The following KAZN variants were observed in gnomAD, a reference collection of about 807,000 sequenced individuals.
KAZN encodes kazrin.
A neutral mutation model predicts 87.4 loss-of-function variants in KAZN; 40 were observed. The observed-to-expected ratio is 0.46, with a 90% CI of 0.36 to 0.60. The LOEUF (loss-of-function observed/expected upper bound fraction) is 0.60. KAZN is among the 20% of genes least tolerant of loss of function. KAZN has a pLI of 0.00. For missense variants in KAZN, 898 were observed against 1,073.9 expected (o/e 0.84, Z 2.29); for synonymous variants, 466 against 458.3 (o/e 1.02, Z -0.22).
At chr1:14,479,434 C>A (rs1397538950) in intron 2 of KAZN, among the ~76,000 whole-genome samples, 1 of 152,224 alleles carries the variant, frequency 6.6e-6, no homozygotes, top group African/African-American at 2.4e-5. Context: ...TCATAAGAAT[C>A]AATGGCCTGC....
intron 2 of KAZN, among the ~76,000 whole-genome samples, chr1:14,285,376 G>C (rs927313240): frequency 6.6e-5 from 10 of 152,276 alleles, no homozygotes; most frequent in Middle Eastern, 3.4e-3. Context: ...CAGTCTATTG[G>C]TTCCTCTCTG....
At chr1:14,776,772 T>G (rs538648044) in intron 1 of KAZN, among the ~76,000 whole-genome samples, 1 of 151,898 alleles carries the variant, frequency 6.6e-6, no homozygotes, top group East Asian at 2.0e-4. Context: ...ACAATCTGCT[T>G]TGTTTTGTTT....
chr1:14,451,879 G>T (rs139856956), intron 2 of KAZN, among the ~76,000 whole-genome samples: 52 of 152,238 alleles, frequency 3.4e-4, no homozygotes, highest in African/African-American at 1.3e-3. Flanking sequence ...CAGCCTTTTT[G>T]TTCTGTTCAG....
chr1:14,827,653 G>GC (rs1314473057), intron 1 of KAZN, among the ~76,000 whole-genome samples: 15 of 152,348 alleles, frequency 9.8e-5, no homozygotes, highest in African/African-American at 3.6e-4. Flanking sequence ...AGCCCTCGAA[G>GC]CAGGCCCCAG....
At chr1:14,676,960 A>T (rs1431168538) in intron 1 of KAZN, among the ~76,000 whole-genome samples, 1 of 152,236 alleles carries the variant, frequency 6.6e-6, no homozygotes, top group Non-Finnish European at 1.5e-5. Flanking sequence ...TATAAGTATT[A>T]TATCACAATA....
At chr1:14,695,608 C>T (rs542824060) in intron 1 of KAZN, among the ~76,000 whole-genome samples, 1 of 150,304 alleles carries the variant, frequency 6.7e-6, no homozygotes, top group South Asian at 2.1e-4. Context: ...CAGGTTCAAG[C>T]GATTGTCTTG....
chr1:14,970,105 T>G lies in KAZN; in HGVS notation c.418+9230T>G, dbSNP rs556793353. 1.5e-4 allele frequency among the ~76,000 whole-genome samples: 23 copies of G among 152,328 alleles called. 1 individual carries two copies. The South Asian group carries it at 4.8e-3, about 32-fold the overall frequency. On this transcript the variant is annotated intron_variant, in intron 2 of 14. Coordinates refer to ENST00000376030, the MANE Select transcript of KAZN (RefSeq NM_201628.3). The stretch of plus-strand genomic sequence containing the variant: ...CTGGGATTATAGGCATGAGCCATGG[T>G]GCCTGGCCCACAAGCACTTTTTAAA...
chr1:14,268,465 CTG>C (rs1430791843), intron 2 of KAZN, among the ~76,000 whole-genome samples: 1 of 135,266 alleles, frequency 7.4e-6, no homozygotes, highest in Non-Finnish European at 1.6e-5. Context: ...GGATTTGACA[CTG>C]TGTTAAAAAA....
At chr1:14,429,759 C>T (rs935467074) in intron 2 of KAZN, among the ~76,000 whole-genome samples, 3 of 152,104 alleles carry the variant, frequency 2.0e-5, no homozygotes, top group Admixed American at 6.5e-5. Flanking sequence ...TCACCGTCGT[C>T]GTCGTCATCA....
intron 2 of KAZN, among the ~76,000 whole-genome samples, chr1:14,518,110 T>C (rs949448263): frequency 1.3e-5 from 2 of 151,878 alleles, no homozygotes; most frequent in Admixed American, 1.3e-4. Flanking sequence ...GCCTTTCACG[T>C]TAAATGGGGT....
At chr1:14,428,681 T>A (rs1251313002) in intron 2 of KAZN, among the ~76,000 whole-genome samples, 2 of 152,150 alleles carry the variant, frequency 1.3e-5, no homozygotes, top group African/African-American at 4.8e-5. Context: ...GGAAGGCACC[T>A]CTTCACAGAG....
intron 2 of KAZN, among the ~76,000 whole-genome samples, chr1:14,328,855 A>C (rs564581905): frequency 1.3e-5 from 2 of 151,758 alleles, no homozygotes; most frequent in East Asian, 3.9e-4. Flanking sequence ...ACCTCCTTAG[A>C]TAGTACATTG....
At chr1:14,038,639 A>G (rs1275807239) in intron 1 of KAZN, among the ~76,000 whole-genome samples, 1 of 152,186 alleles carries the variant, frequency 6.6e-6, no homozygotes, top group Non-Finnish European at 1.5e-5. Flanking sequence ...CCTGGGCTCC[A>G]CTGAAGAGAG....
At chr1:14,805,927 T>A (rs947106891) in intron 1 of KAZN, among the ~76,000 whole-genome samples, 1 of 152,138 alleles carries the variant, frequency 6.6e-6, no homozygotes, top group Non-Finnish European at 1.5e-5. Context: ...GTTTGCCACT[T>A]GCAAGATAAT....
At chr1:14,118,754 AG>A (rs1258685140) in intron 1 of KAZN, among the ~76,000 whole-genome samples, 6 of 152,208 alleles carry the variant, frequency 3.9e-5, no homozygotes, top group Non-Finnish European at 8.8e-5. Flanking sequence ...ACAGATGGGA[AG>A]ACTGGGTGCC....
In KAZN at chr1:14,587,363, G is replaced by T. The variant is rs184621374; in HGVS notation, c.250-11620G>T. On this transcript the variant is annotated intron_variant, in intron 2 of 16. Coordinates refer to the KAZN transcript ENST00000636203. ...AGGCAGGAAAATTGCTTTAACCCGG[G>T]AGGCAGAGGTTGCAGTGAGCCGAGA... is the stretch of plus-strand genomic sequence containing the variant. Among the ~76,000 whole-genome samples the T allele has an allele frequency of 4.2e-3, 630 of 151,566 alleles. 5 individuals carry two copies. The highest frequency in any genetic ancestry group is 0.015 in the African/African-American group (604 of 41,232).
At chr1:14,007,407 G>C (rs985914202) in intron 1 of KAZN, among the ~76,000 whole-genome samples, 7 of 152,068 alleles carry the variant, frequency 4.6e-5, no homozygotes, top group African/African-American at 1.2e-4. Context: ...GAGCATTCTT[G>C]ATTAACTGTC....
intron 8 of KAZN, among the ~76,000 whole-genome samples, chr1:15,074,779 T>C (rs1304884285): frequency 6.6e-6 from 1 of 152,170 alleles, no homozygotes; most frequent in African/African-American, 2.4e-5. Context: ...CCTGGTAACC[T>C]TAGGCAAAGG....
intron 1 of KAZN, among the ~76,000 whole-genome samples, chr1:13,923,434 G>A (rs1448682738): frequency 2.0e-5 from 3 of 151,816 alleles, no homozygotes; most frequent in Admixed American, 6.6e-5. Context: ...TTAGCCGGGC[G>A]TGGTGGCAGG....
Sources: gnomAD v4.1 joint callset for allele counts (sites outside exome capture counted in the v4.1 genomes callset) on GRCh38, gnomAD v4.1.1 for gene constraint, MANE v1.5 for transcripts, NCBI Gene and HGNC (gene_info 2026-07-23, HGNC 2026-07-21) for gene names.